Variants in SPEF2 observed in about 807,000 individuals in gnomAD.
SPEF2 encodes sperm flagellar and cilia associated 2.
In SPEF2, 187 loss-of-function variants were observed where a neutral mutation model predicts 224.6. The observed-to-expected ratio is 0.83, with a 90% CI of 0.74 to 0.94. The LOEUF (loss-of-function observed/expected upper bound fraction) is 0.94. Among genes scored for constraint, SPEF2 ranks in the 40% least tolerant of loss-of-function variants. The pLI, the probability that SPEF2 is intolerant of heterozygous loss-of-function variation, is 0.00. For missense variants in SPEF2, 2,170 were observed against 2,135.6 expected (o/e 1.02, Z -0.32); for synonymous variants, 715 against 707.3 (o/e 1.01, Z -0.17).
At chr5:35,676,434 T>A (rs1443185106) in intron 10 of SPEF2, among the ~76,000 whole-genome samples, 2 of 152,188 alleles carry the variant, frequency 1.3e-5, no homozygotes, top group Non-Finnish European at 2.9e-5. Context: ...AAGTTTTAAA[T>A]TTTAAAACTA....
intron 21 of SPEF2, 109 bp downstream of exon 21, chr5:35,727,932 A>AT: frequency 8.7e-7 from 1 of 1,150,928 alleles, no homozygotes; most frequent in East Asian, 2.5e-5. Context: ...CAGGTAATAT[A>AT]TATCTATCCA....
Position 35,763,586 on chromosome 5 carries a change from T to C in SPEF2, c.3685T>C (p.Ser1229Pro), listed in dbSNP as rs1751651743. The change falls in exon 26 of 37, where the codon TCA (serine) becomes CCA (proline). Residue 1229 changes from serine to proline, a missense_variant. Physicochemically the swap from Ser to Pro is moderately conservative, Grantham distance 74. Coordinates refer to ENST00000356031, the MANE Select transcript of SPEF2 (RefSeq NM_024867.4). ...AGTTACACCCAAACCAAAAACAAAA[T>C]CAGTACTGAAGGGCAAGATGGATAA... ...ETVTPKPKTK[S>P]VLKGKMDNSL... is the part of the protein sequence containing the mutation. The C allele has an allele frequency of 6.2e-7, 1 of 1,613,104 alleles. No homozygotes were observed. The highest frequency in any genetic ancestry group is 1.3e-5 in the African/African-American group (1 of 74,972).
chr5:35,675,935 GA>G (rs1751942610), intron 10 of SPEF2: 1 of 456,156 alleles, frequency 2.2e-6, no homozygotes, highest in East Asian at 6.9e-5. Flanking sequence ...AGGAATAGAA[GA>G]TGAACTTGGG....
At chr5:35,790,013 C>T (rs963759508) in intron 30 of SPEF2, 6 of 700,454 alleles carry the variant, frequency 8.6e-6, no homozygotes, top group African/African-American at 3.5e-5. Context: ...CATTTCTTCT[C>T]CTCCCTCCTA....
chr5:35,731,467 A>G (rs916580757), intron 21 of SPEF2, among the ~76,000 whole-genome samples: 8 of 152,212 alleles, frequency 5.3e-5, no homozygotes, highest in Admixed American at 5.2e-4. Flanking sequence ...TTTCCTATAG[A>G]GAGAACAGAA....
In SPEF2 at chr5:35,780,102, A is replaced by C. The variant is rs1435665486; in HGVS notation, c.4447+756A>C. Among the ~76,000 whole-genome samples, 3 of 152,172 alleles carry C rather than the reference A, an allele frequency of 2.0e-5. No individual in the cohort carries two copies. In the East Asian group the frequency reaches 5.8e-4, roughly 29 times the overall value. Reference sequence around the variant, plus strand: ...TTGCCTATGGTCATATATCATTCAGAACTCTGCAGATCCAAAGTTCTTGCC... The same window carrying C: ...TTGCCTATGGTCATATATCATTCAGCACTCTGCAGATCCAAAGTTCTTGCC... On this transcript the variant is annotated intron_variant, in intron 30 of 36. Coordinates refer to ENST00000356031, the MANE Select transcript of SPEF2 (RefSeq NM_024867.4).
chr5:35,680,287 G>C (rs1019349140), intron 10 of SPEF2, among the ~76,000 whole-genome samples: 1 of 152,154 alleles, frequency 6.6e-6, no homozygotes, highest in Non-Finnish European at 1.5e-5. Context: ...TACTTCGGGA[G>C]ATACTTCCTG....
chr5:35,654,455 C>G (rs955697514), intron 6 of SPEF2, 85 bp from the exon 7 acceptor site: 1 of 1,108,338 alleles, frequency 9.0e-7, no homozygotes, highest in Admixed American at 2.9e-5. Flanking sequence ...GGATCCTTCT[C>G]CTGAGGTCTT....
Position 35,753,644 on chromosome 5 carries a change from G to C in SPEF2, c.3351G>C (p.Trp1117Cys). Residue 1117 changes from tryptophan (W) to cysteine (C), a missense_variant, in exon 24 of 37, where the codon TGG (tryptophan) becomes TGC (cysteine). By Grantham distance (215) the Trp-to-Cys change is radical. Coordinates refer to ENST00000356031, the MANE Select transcript of SPEF2 (RefSeq NM_024867.4). ...QRVNDLRDRL[W>C]DICDARKEEA... ...TTCAGGATCTGCGAGACCGCCTGTGGGACATTTGTGATGCCCGGAAGGAAG... is the reference window on the plus strand; with the variant it reads ...TTCAGGATCTGCGAGACCGCCTGTGCGACATTTGTGATGCCCGGAAGGAAG... The C allele has an allele frequency of 6.2e-7, 1 of 1,614,110 alleles. No homozygotes were observed.
At chr5:35,785,175 T>C (rs986766970) in intron 30 of SPEF2, among the ~76,000 whole-genome samples, 20 of 152,168 alleles carry the variant, frequency 1.3e-4, no homozygotes, top group African/African-American at 4.1e-4. Context: ...TGGCAAAATA[T>C]AGGGATTACA....
intron 29 of SPEF2, 58 bp downstream of exon 29, chr5:35,776,453 G>A: frequency 6.6e-7 from 1 of 1,524,152 alleles, no homozygotes; most frequent in East Asian, 2.3e-5. Context: ...TACCAAAATT[G>A]ATGAAGATTT....
At chr5:35,749,290 A>G (rs1749045838) in intron 23 of SPEF2, among the ~76,000 whole-genome samples, 2 of 152,108 alleles carry the variant, frequency 1.3e-5, no homozygotes, top group South Asian at 4.1e-4. Context: ...TGAAAACTGG[A>G]ACAAGACAAG....
intron 16 of SPEF2, chr5:35,702,044 T>C (rs974907052): frequency 7.5e-6 from 3 of 397,806 alleles, no homozygotes; most frequent in African/African-American, 6.2e-5. Flanking sequence ...GGAATAAGTG[T>C]TTAGAAGCAG....
intron 9 of SPEF2, 90 bp downstream of exon 9, chr5:35,667,349 G>A (rs576251773): frequency 1.1e-5 from 13 of 1,162,054 alleles, no homozygotes; most frequent in African/African-American, 3.2e-5. Flanking sequence ...GATAAGTAAA[G>A]AGAGATAAAA....
rs200582644 is a variant in SPEF2, at chr5:35,740,154, C to G, written c.3217C>G (p.Arg1073Gly). ...AACAAGTTTCCAGGAGTTTCTAAAG[C>G]GTCCGGATCACAAGCAAGATTTTGT... ...IRTSFQEFLKRPDHKQDFVAQ... is the reference protein window; with the variant it reads ...IRTSFQEFLKGPDHKQDFVAQ... The change falls in exon 23 of 37, where the codon CGT (arginine) becomes GGT (glycine). Residue 1073 changes from arginine to glycine, a missense_variant. Coordinates refer to ENST00000356031, the MANE Select transcript of SPEF2 (RefSeq NM_024867.4). The G allele has an allele frequency of 6.2e-7, 1 of 1,613,944 alleles. No homozygotes were observed. Among genetic ancestry groups the G allele is most frequent in the Non-Finnish European group, 8.5e-7 (1 of 1,180,006 alleles).
chr5:35,738,132 C>G (rs1279258821), intron 21 of SPEF2, among the ~76,000 whole-genome samples: 2 of 151,938 alleles, frequency 1.3e-5, no homozygotes, highest in Admixed American at 6.6e-5. Flanking sequence ...TCAGATGAGT[C>G]GATTGCAAAA....
intron 16 of SPEF2, among the ~76,000 whole-genome samples, chr5:35,703,499 A>T (rs1739112835): frequency 6.6e-6 from 1 of 152,002 alleles, no homozygotes; most frequent in South Asian, 2.1e-4. Context: ...GGTCTTTAGG[A>T]TTGCAAAGAT....
intron 26 of SPEF2, among the ~76,000 whole-genome samples, chr5:35,764,172 A>C (rs75341711): frequency 1.3e-5 from 2 of 152,190 alleles, no homozygotes; most frequent in Non-Finnish European, 2.9e-5. Context: ...TGAAATAAAA[A>C]TTTTTAAAAA....
chr5:35,787,956 A>C (rs1352578805), intron 30 of SPEF2: 1 of 630,308 alleles, frequency 1.6e-6, no homozygotes, highest in African/African-American at 1.8e-5. Flanking sequence ...AGAAGCCATC[A>C]ATTTTTGAAA....
Sources: allele counts gnomAD v4.1 joint callset (sites outside exome capture counted in the v4.1 genomes callset), GRCh38; gene constraint gnomAD v4.1.1; transcripts MANE v1.5; gene names NCBI Gene and HGNC (gene_info 2026-07-23, HGNC 2026-07-21).